Variants in THEM5 observed in about 807,000 individuals in gnomAD.
THEM5 encodes acyl-coenzyme A thioesterase THEM5.
Under a neutral mutation model 24.2 loss-of-function variants are expected in THEM5, and 28 were observed. The ratio of observed to expected loss-of-function variants is 1.16; its 90% CI spans 0.86 to 1.59. THEM5 has a LOEUF of 1.59. THEM5 is among the 40% of genes most tolerant of loss of function. The pLI is 0.00. For missense variants in THEM5, 260 were observed against 296.8 expected, an observed-to-expected ratio of 0.88 and a Z score of 0.91; for synonymous variants, 87 against 114.5, an observed-to-expected ratio of 0.76 and a Z score of 1.53.
At chr1:151,851,770 G>A (rs1653134697) in intron 2 of THEM5, among the ~76,000 whole-genome samples, 1 of 152,140 alleles carries the variant, frequency 6.6e-6, no homozygotes, top group South Asian at 2.1e-4. Flanking sequence ...GCACACACGA[G>A]TGCACACACA....
intron 3 of THEM5, among the ~76,000 whole-genome samples, 190 bp downstream of exon 3, chr1:151,850,863 C>T (rs1432846477): frequency 6.6e-6 from 1 of 152,210 alleles, no homozygotes; most frequent in Non-Finnish European, 1.5e-5. Flanking sequence ...TATCTGCACA[C>T]TGGGGATTAG....
At position 151,852,391 on chromosome 1, in the gene THEM5, C is replaced by T. The variant is rs371038742; in HGVS notation, c.192G>A (p.Ser64=). 5.5e-5 allele frequency: 88 copies of T among 1,613,994 alleles called. No individual in the cohort carries two copies. The highest frequency in any genetic ancestry group is 6.6e-5 in the Non-Finnish European group (78 of 1,180,030). The part of the protein sequence containing the change: ...DYALPNASWC[S]DMLSLYQEFL... ...ATTCTTGGTACAGGCTCAGCATGTC[C>T]GAACACCAGCTGGCATTGGGAAGAG... The change falls in exon 2 of 6, where the codon TCG becomes TCA. Residue 64 remains serine, a synonymous_variant. Coordinates refer to ENST00000368817, the MANE Select transcript of THEM5 (RefSeq NM_182578.4).
chr1:151,853,346 TGCCCTG>T, intron 1 of THEM5, 91 bp downstream of exon 1: 1 of 1,451,964 alleles, frequency 6.9e-7, no homozygotes, highest in Non-Finnish European at 9.2e-7. Context: ...ACTGCCCACC[TGCCCTG>T]GCCATGGGCT....
Position 151,853,701 on chromosome 1 carries a change from C to T in THEM5, c.-136G>A. 8.9e-6 allele frequency: 11 copies of T among 1,232,910 alleles called. No individual in the cohort carries two copies. Among genetic ancestry groups the T allele is most frequent in the Non-Finnish European group, 1.2e-5 (11 of 915,054 alleles). 76.4% of individuals were successfully genotyped at this position (1,232,910 alleles called of 1,614,324 possible). On this transcript the variant is annotated 5_prime_UTR_variant, in exon 1 of 6. Coordinates refer to ENST00000368817, the MANE Select transcript of THEM5 (RefSeq NM_182578.4). ...TTTCAGAGAGCTAGGCGAGGCTGGG[C>T]TGGTGTGCTGCAACACCCACAGATG...
At chr1:151,851,502 A>G (rs1419332423) in intron 2 of THEM5, among the ~76,000 whole-genome samples, 2 of 152,256 alleles carry the variant, frequency 1.3e-5, no homozygotes, top group Admixed American at 1.3e-4. Flanking sequence ...TAACTCACAT[A>G]TAATTCAAAA....
At position 151,848,210 on chromosome 1, in the gene THEM5, TG is replaced by T; in HGVS notation, c.546del (p.Phe182LeufsTer3). On this transcript the variant is annotated frameshift_variant, in exon 4 of 6. Coordinates refer to ENST00000368817, the MANE Select transcript of THEM5 (RefSeq NM_182578.4). LOFTEE classifies it high-confidence loss of function. Reference sequence around the variant, plus strand: ...TTGAACCTGATGTTGAGACTTAGTGTGAACAGCCCCTCTCCAGCCAGGAAGG... The same window carrying T: ...TTGAACCTGATGTTGAGACTTAGTGTAACAGCCCCTCTCCAGCCAGGAAGG... ...KTAFLAGEGL[F>X]TLSLNIRFKN... 2 of 1,614,182 alleles carry T rather than the reference TG, an allele frequency of 1.2e-6. No individual in the cohort carries two copies. The highest frequency in any genetic ancestry group is 1.7e-6 in the Non-Finnish European group (2 of 1,180,026).
intron 2 of THEM5, among the ~76,000 whole-genome samples, chr1:151,851,438 G>A (rs1314887371): frequency 2.6e-5 from 4 of 152,056 alleles, no homozygotes; most frequent in Non-Finnish European, 5.9e-5. Flanking sequence ...TCAGGGCCAG[G>A]GCAAGACTTT....
At chr1:151,853,325 C>A in intron 1 of THEM5, 118 bp downstream of exon 1, 1 of 1,323,340 alleles carries the variant, frequency 7.6e-7, no homozygotes, top group East Asian at 2.6e-5. Context: ...AATCAAATAG[C>A]TCCTCCGAAC....
chr1:151,852,478 AATGACTAGACAGC>A lies in THEM5; in HGVS notation c.124-32_124-20del. On this transcript the variant is annotated intron_variant, in intron 1 of 5. Transcript: ENST00000368817. ...TTGAGAACTGGGCAGGAAAAATCAG[AATGACTAGACAGC>A]ATCCTGGAGGGGGGCTGCTGCCTGG... 1 of 1,613,700 alleles carries A rather than the reference AATGACTAGACAGC, an allele frequency of 6.2e-7. No homozygotes were observed. The highest frequency in any genetic ancestry group is 8.5e-7 in the Non-Finnish European group (1 of 1,179,726).
Position 151,853,575 on chromosome 1 carries a change from C to T in THEM5, c.-10G>A. On this transcript the variant is annotated 5_prime_UTR_variant, in exon 1 of 6. Transcript: ENST00000368817. The stretch of plus-strand genomic sequence containing the variant: ...AGCATCTCCTTATCATGGCCAAGTG[C>T]AAGGATCCAGCCCTGCTTGGATGGA... 6.2e-7 allele frequency: 1 copy of T among 1,609,964 alleles called. No homozygotes were observed. The highest frequency in any genetic ancestry group is 8.5e-7 in the Non-Finnish European group (1 of 1,177,804).
chr1:151,850,736 C>T (rs1653084136), intron 3 of THEM5, among the ~76,000 whole-genome samples: 1 of 152,196 alleles, frequency 6.6e-6, no homozygotes, highest in African/African-American at 2.4e-5. Context: ...CCAGGCAGGA[C>T]ACCAAGTCAG....
At chr1:151,849,959 AAGTC>A (rs1653063943) in intron 3 of THEM5, among the ~76,000 whole-genome samples, 1 of 152,156 alleles carries the variant, frequency 6.6e-6, no homozygotes, top group African/African-American at 2.4e-5. Flanking sequence ...CCCTAAATAA[AAGTC>A]AGCCATGCTT....
rs1652966599 is a variant in THEM5 at position 151,847,383 on chromosome 1, C to T, written c.732G>A (p.Glu244=). ...GVFLQLQLEE[E]SPQ ...GGCACAGTGACTGTTACTGGGGAGACTCTTCTTCCAACTGCAGCTGAAGGA... is the reference window on the plus strand; with the variant it reads ...GGCACAGTGACTGTTACTGGGGAGATTCTTCTTCCAACTGCAGCTGAAGGA... Residue 244 remains glutamate, a synonymous_variant, in exon 6 of 6, where the codon GAG becomes GAA. Coordinates refer to ENST00000368817, the MANE Select transcript of THEM5 (RefSeq NM_182578.4). The T allele has an allele frequency of 1.2e-6, 2 of 1,613,786 alleles. No homozygotes were observed. Among genetic ancestry groups the T allele is most frequent in the African/African-American group, 1.3e-5 (1 of 74,846 alleles).
intron 2 of THEM5, among the ~76,000 whole-genome samples, chr1:151,851,499 C>T (rs963671230): frequency 6.6e-6 from 1 of 152,034 alleles, no homozygotes; most frequent in Non-Finnish European, 1.5e-5. Context: ...ATGTAACTCA[C>T]ATATAATTCA....
chr1:151,849,670 T>C (rs1340465807), intron 3 of THEM5, among the ~76,000 whole-genome samples: 2 of 152,202 alleles, frequency 1.3e-5, no homozygotes, highest in Admixed American at 6.5e-5. Flanking sequence ...CCTGTCTGCC[T>C]CCCAAATTGC....
chr1:151,851,563 A>ATT (rs146688365), intron 2 of THEM5, among the ~76,000 whole-genome samples: 2 of 150,758 alleles, frequency 1.3e-5, no homozygotes, highest in African/African-American at 4.9e-5. Context: ...CAAAGTTCTG[A>ATT]TTTTTTTTTT....
chr1:151,848,007 C>A, intron 4 of THEM5, 145 bp from the exon 5 acceptor site: 1 of 1,495,196 alleles, frequency 6.7e-7, no homozygotes, highest in Non-Finnish European at 9.0e-7. Context: ...TTGTCAGCTC[C>A]CAAAGTTGGA....
At position 151,847,389 on chromosome 1, in the gene THEM5, T is replaced by C. The variant is rs1211708197; in HGVS notation, c.726A>G (p.Glu242=). 7 of 1,613,796 alleles carry C rather than the reference T, an allele frequency of 4.3e-6. No individual in the cohort carries two copies. The Admixed American group carries it at 1.2e-4, about 27-fold the overall frequency. Residue 242 remains glutamate, a synonymous_variant, in exon 6 of 6, where the codon GAA becomes GAG. Coordinates refer to ENST00000368817, the MANE Select transcript of THEM5 (RefSeq NM_182578.4). ...GTGACTGTTACTGGGGAGACTCTTC[T>C]TCCAACTGCAGCTGAAGGAAAACAC... ...SSGVFLQLQL[E]EESPQ
intron 1 of THEM5, among the ~76,000 whole-genome samples, chr1:151,852,826 G>T (rs998289937): frequency 3.3e-5 from 5 of 152,224 alleles, no homozygotes; most frequent in Non-Finnish European, 7.3e-5. Flanking sequence ...ATACGGCCAA[G>T]GTTGCCAAGC....
Sources: gnomAD v4.1 joint callset for allele counts (sites outside exome capture counted in the v4.1 genomes callset) on GRCh38, gnomAD v4.1.1 for gene constraint, MANE v1.5 for transcripts, NCBI Gene and HGNC (gene_info 2026-07-23, HGNC 2026-07-21) for gene names.